Variants in UBQLN1 observed in about 807,000 individuals in gnomAD.
The protein encoded by UBQLN1 is ubiquilin 1, also known as ubiquilin-1.
In UBQLN1, 13 loss-of-function variants were observed where a neutral mutation model predicts 65.4. The observed-to-expected ratio is 0.20, with a 90% CI of 0.13 to 0.32. The LOEUF (loss-of-function observed/expected upper bound fraction) is 0.32. UBQLN1 is among the 10% of genes least tolerant of loss of function. The pLI is 1.00. For missense variants in UBQLN1, 561 were observed against 724.0 expected (o/e 0.77, Z 2.58); for synonymous variants, 267 against 247.8 (o/e 1.08, Z -0.73).
intron 1 of UBQLN1, among the ~76,000 whole-genome samples, chr9:83,695,636 C>T (rs1244260041): frequency 6.6e-6 from 1 of 151,970 alleles, no homozygotes; most frequent in Non-Finnish European, 1.5e-5. Context: ...AAAAAATTAC[C>T]CCCAAGTTTT....
chr9:83,682,056 T>C (rs1038074653), intron 3 of UBQLN1, among the ~76,000 whole-genome samples: 1 of 152,096 alleles, frequency 6.6e-6, no homozygotes, highest in African/African-American at 2.4e-5. Context: ...AACAGCACTT[T>C]GGCAGATCAC....
At chr9:83,662,001 T>A in intron 10 of UBQLN1, 62 bp from the exon 11 acceptor site, 9 of 1,466,212 alleles carry the variant, frequency 6.1e-6, no homozygotes, top group Non-Finnish European at 8.3e-6. Flanking sequence ...CACACATGAC[T>A]TTTAAAATTT....
intron 7 of UBQLN1, 90 bp from the exon 8 acceptor site, chr9:83,666,523 A>G: frequency 1.6e-6 from 2 of 1,255,994 alleles, no homozygotes; most frequent in Admixed American, 3.7e-5. Flanking sequence ...CAAGTGCCTC[A>G]GCTGGCACTT....
intron 1 of UBQLN1, among the ~76,000 whole-genome samples, chr9:83,688,533 T>C (rs991285989): frequency 1.4e-4 from 21 of 152,120 alleles, no homozygotes; most frequent in Admixed American, 4.6e-4. Flanking sequence ...TAGCATTTTA[T>C]TGTATTTTAG....
chr9:83,661,889 T>C lies in UBQLN1; in HGVS notation c.1668A>G (p.Ala556=), dbSNP rs1387579612. Residue 556 remains alanine (A), a synonymous_variant, in exon 11 of 11, where the codon GCA becomes GCG. Transcript: ENST00000376395. The part of the protein sequence containing the change: ...RFQQQLEQLS[A]MGFLNREANL... ...TTGCTTCACGGTTCAAAAATCCCAT[T>C]GCACTGAGTTGTTCCAGTTGTTGCT... The C allele has an allele frequency of 6.2e-7, 1 of 1,614,066 alleles. No individual in the cohort carries two copies. The highest frequency in any genetic ancestry group is 1.1e-5 in the South Asian group (1 of 91,064).
chr9:83,674,486 G>A (rs192217489), intron 6 of UBQLN1, among the ~76,000 whole-genome samples: 4 of 152,206 alleles, frequency 2.6e-5, no homozygotes, highest in African/African-American at 7.2e-5. Context: ...ATGAAAATAA[G>A]ACTGCAACCA....
chr9:83,682,956 C>T lies in UBQLN1; in HGVS notation c.443G>A (p.Gly148Asp), dbSNP rs142348719. 3.7e-6 allele frequency: 6 copies of T among 1,604,512 alleles called. No homozygotes were observed. In the East Asian group the frequency reaches 1.3e-4, roughly 36 times the overall value. The change falls in exon 3 of 11, where the codon GGT becomes GAT. Residue 148 changes from glycine to aspartate, a missense_variant. This residue lies in a region of UBQLN1 where 87 missense variants were observed against 88.8 expected (regional missense o/e 0.98). Coordinates refer to ENST00000376395, the MANE Select transcript of UBQLN1 (RefSeq NM_013438.5). The stretch of plus-strand genomic sequence containing the variant: ...GAATGACTAAAGACACTTACCTAAA[C>T]CAAAAGGGTTGCTAGTAGCAGAACC... Reference protein sequence around the residue: ...TSGSATSNPFGLGGLGGLAGL... With the variant: ...TSGSATSNPFDLGGLGGLAGL...
chr9:83,690,250 C>T (rs1423126795), intron 1 of UBQLN1, among the ~76,000 whole-genome samples: 1 of 152,112 alleles, frequency 6.6e-6, no homozygotes, highest in Non-Finnish European at 1.5e-5. Context: ...GATAGATTAC[C>T]CCCAATGACA....
intron 6 of UBQLN1, among the ~76,000 whole-genome samples, chr9:83,677,516 C>T (rs1282784011): frequency 6.6e-6 from 1 of 152,110 alleles, no homozygotes; most frequent in South Asian, 2.1e-4. Context: ...GAGCTGAGAT[C>T]GTGCCATTGT....
At position 83,668,512 on chromosome 9, in the gene UBQLN1, G is replaced by A. The variant is rs112722124; in HGVS notation, c.1248+673C>T. On this transcript the variant is annotated intron_variant, in intron 7 of 10. Coordinates refer to ENST00000376395, the MANE Select transcript of UBQLN1 (RefSeq NM_013438.5). ...CTTGAGGGAGAAAGGGTTATCGGAC[G>A]CAATTATCTCAAAATCTCTAAGGAT... 108 of 985,310 alleles carry A rather than the reference G, an allele frequency of 1.1e-4. No individual in the cohort carries two copies. In the African/African-American group the frequency reaches 1.7e-3, roughly 15 times the overall value. The allele number at this position is 985,310 out of a possible 1,614,324, so 61.0% of individuals were successfully genotyped here. A position where few individuals can be genotyped will look rare whatever the true frequency, so the allele number is the denominator to read the frequency against.
At chr9:83,705,968 G>C (rs1832398152) in intron 1 of UBQLN1, among the ~76,000 whole-genome samples, 1 of 151,938 alleles carries the variant, frequency 6.6e-6, no homozygotes, top group South Asian at 2.1e-4. Flanking sequence ...TGATGGAAAG[G>C]CCAAGTGACT....
intron 6 of UBQLN1, among the ~76,000 whole-genome samples, chr9:83,674,650 TC>T: frequency 6.6e-6 from 1 of 152,180 alleles, no homozygotes; most frequent in East Asian, 1.9e-4. Context: ...GAACAGTTTT[TC>T]TCAGAGTTAA....
intron 1 of UBQLN1, among the ~76,000 whole-genome samples, chr9:83,687,186 T>C (rs1832054526): frequency 6.6e-6 from 1 of 152,106 alleles, no homozygotes. Context: ...AGGGAAAGCT[T>C]TCCCTAAGTG....
At chr9:83,704,102 G>A (rs544807997) in intron 1 of UBQLN1, among the ~76,000 whole-genome samples, 5 of 152,144 alleles carry the variant, frequency 3.3e-5, no homozygotes, top group African/African-American at 7.2e-5. Flanking sequence ...GGAGGTCTTC[G>A]GCTTACCCTC....
chr9:83,663,025 G>A (rs1831585655), intron 10 of UBQLN1, among the ~76,000 whole-genome samples: 1 of 150,838 alleles, frequency 6.6e-6, no homozygotes. Context: ...GCAGTGAGCT[G>A]TGATTGCATC....
intron 7 of UBQLN1, 117 bp from the exon 8 acceptor site, chr9:83,666,550 G>A: frequency 2.2e-6 from 2 of 895,162 alleles, no homozygotes; most frequent in Admixed American, 2.5e-5. Flanking sequence ...GAGGAAGGTA[G>A]AACATAAATA....
intron 1 of UBQLN1, among the ~76,000 whole-genome samples, chr9:83,699,318 AG>A: frequency 6.6e-6 from 1 of 152,208 alleles, no homozygotes; most frequent in Non-Finnish European, 1.5e-5. Context: ...AGTGGCTAAT[AG>A]GAAAATTACA....
chr9:83,701,950 T>C (rs1404197900), intron 1 of UBQLN1, among the ~76,000 whole-genome samples: 3 of 152,254 alleles, frequency 2.0e-5, no homozygotes, highest in Admixed American at 1.3e-4. Flanking sequence ...TGTGGAATGC[T>C]GTTGGCAACA....
At position 83,707,584 on chromosome 9, in the gene UBQLN1, C is replaced by T. The variant is rs1489535673; in HGVS notation, c.96G>A (p.Ala32=). The change falls in exon 1 of 11, where the codon GCG becomes GCA. Residue 32 remains alanine, a synonymous_variant. Coordinates refer to ENST00000376395, the MANE Select transcript of UBQLN1 (RefSeq NM_013438.5). ...CGGTGACTTTCATGATTTTGGGCTC[C>T]GCGGAGGCAGCGGCCGCGGGGGCGC... ...GAGAPAAAAS[A]EPKIMKVTVK... 4.4e-6 allele frequency: 7 copies of T among 1,607,014 alleles called. No homozygotes were observed. The highest frequency in any genetic ancestry group is 1.7e-4 in the Middle Eastern group (1 of 6,038).
Sources: allele counts gnomAD v4.1 joint callset (sites outside exome capture counted in the v4.1 genomes callset), GRCh38; gene constraint gnomAD v4.1.1; regional missense constraint gnomAD v4.1.1; transcripts MANE v1.5; gene names NCBI Gene and HGNC (gene_info 2026-07-23, HGNC 2026-07-21).